The following ZNF362 variants were observed in gnomAD, a reference collection of about 807,000 sequenced individuals.
ZNF362 encodes the protein zinc finger protein 362.
In ZNF362, 11 loss-of-function variants were observed where a neutral mutation model predicts 42.9. The ratio of observed to expected loss-of-function variants is 0.26; its 90% confidence interval spans 0.16 to 0.42. The LOEUF (loss-of-function observed/expected upper bound fraction) is 0.42, where lower values mean the gene tolerates loss of function less well. Among genes scored for constraint, ZNF362 ranks in the 20% least tolerant of loss-of-function variants. The pLI, the probability that ZNF362 is intolerant of heterozygous loss-of-function variation, is 1.00. For synonymous variants in ZNF362, 255 were observed against 257.3 expected, an observed-to-expected ratio of 0.99 and a Z score of 0.09; for missense variants, 362 against 576.2, an observed-to-expected ratio of 0.63 and a Z score of 3.81.
chr1:33,231,780 G>A, the ZNF362 span, among the ~76,000 whole-genome samples: 1 of 152,164 alleles, frequency 6.6e-6, no homozygotes, highest in Non-Finnish European at 1.5e-5. Context: ...TGGAGGCACT[G>A]AGCTGGACCA....
chr1:33,297,965 G>C (rs1223136191), intron 8 of ZNF362, among the ~76,000 whole-genome samples: 1 of 152,172 alleles, frequency 6.6e-6, no homozygotes, highest in Non-Finnish European at 1.5e-5. Flanking sequence ...TTTGCAGGTT[G>C]CTTCCCTCTG....
At chr1:33,229,210 G>A in the ZNF362 span, among the ~76,000 whole-genome samples, 2 of 151,936 alleles carry the variant, frequency 1.3e-5, no homozygotes, top group African/African-American at 4.8e-5. Flanking sequence ...GACCCCACAC[G>A]CACTGACATC....
At chr1:33,277,326 A>G (rs1400826960) in intron 4 of ZNF362, among the ~76,000 whole-genome samples, 5 of 152,246 alleles carry the variant, frequency 3.3e-5, no homozygotes, top group Admixed American at 3.3e-4. Flanking sequence ...ACAGCTAGTA[A>G]GAGGCAGAGG....
In ZNF362 at chr1:33,266,305, C is replaced by T. The variant is rs928221287; in HGVS notation, c.-88-4182C>T. ...GGAAAGACCCCTCCTCATCAATTCC[C>T]TCAGTGAACATCTGTTGAGTACCCA... On this transcript the variant is annotated intron_variant, in intron 1 of 8. Coordinates refer to ENST00000539719, the MANE Select transcript of ZNF362 (RefSeq NM_152493.3). The surrounding 1 kb of genome is among the most constrained non-coding windows in gnomAD (Gnocchi z 4.3). 6.6e-6 allele frequency among the ~76,000 whole-genome samples: 1 copy of T among 152,240 alleles called. No homozygotes were observed. The highest frequency in any genetic ancestry group is 1.5e-5 in the Non-Finnish European group (1 of 68,050).
chr1:33,133,508 G>A, the ZNF362 span, among the ~76,000 whole-genome samples: 4 of 152,324 alleles, frequency 2.6e-5, no homozygotes, highest in South Asian at 2.1e-4. Context: ...TGGGACCACC[G>A]GCGGCACGTT....
chr1:33,134,654 A>C, the ZNF362 span, among the ~76,000 whole-genome samples: 10 of 152,200 alleles, frequency 6.6e-5, no homozygotes, highest in African/African-American at 2.4e-4. Flanking sequence ...ATGTTTACGC[A>C]GGGAAGCTGT....
the ZNF362 span, among the ~76,000 whole-genome samples, chr1:33,250,823 A>C: frequency 6.6e-6 from 1 of 150,666 alleles, no homozygotes; most frequent in African/African-American, 2.4e-5. Flanking sequence ...GAAGAAGAGA[A>C]GAAGAAAAGA....
rs1645993690 is a variant in ZNF362, at chr1:33,281,463, T to G, written c.684-124T>G. On this transcript the variant is annotated intron_variant, in intron 5 of 8. Transcript: ENST00000539719. This position sits in a 1 kb window ranked among gnomAD's most constrained non-coding sequence, Gnocchi z 4.8. Reference sequence around the variant, plus strand: ...CCCCTGTCTTTCCCAGGTGGTCCTGTGCTTCTTGGGCTCATCACAGGAAAG... The same window carrying G: ...CCCCTGTCTTTCCCAGGTGGTCCTGGGCTTCTTGGGCTCATCACAGGAAAG... 1.1e-6 allele frequency: 1 copy of G among 884,684 alleles called. No individual in the cohort carries two copies. The highest frequency in any genetic ancestry group is 1.7e-5 in the African/African-American group (1 of 60,048). 54.8% of individuals were successfully genotyped at this position (884,684 alleles called of 1,614,324 possible).
At chr1:33,296,952 G>A (rs1646129201) in intron 8 of ZNF362, among the ~76,000 whole-genome samples, 1 of 151,980 alleles carries the variant, frequency 6.6e-6, no homozygotes, top group South Asian at 2.1e-4. Flanking sequence ...CTACAGGTGT[G>A]CACCACTGTG....
chr1:33,273,048 C>T (rs1645917288), intron 2 of ZNF362, among the ~76,000 whole-genome samples: 1 of 152,248 alleles, frequency 6.6e-6, no homozygotes, highest in Non-Finnish European at 1.5e-5. Context: ...TACCCCTTCA[C>T]CTCTCACCAG....
chr1:33,197,845 A>G, the ZNF362 span, among the ~76,000 whole-genome samples: 1 of 152,338 alleles, frequency 6.6e-6, no homozygotes, highest in Non-Finnish European at 1.5e-5. Context: ...CTTTACAAAA[A>G]GAGTAGAGAA....
chr1:33,223,019 G>C, the ZNF362 span, among the ~76,000 whole-genome samples: 26,126 of 152,100 alleles, frequency 0.17, 2,569 homozygotes, highest in East Asian at 0.31. Context: ...TTGGGAGGCT[G>C]AGGTGGGTGG....
Position 33,280,087 on chromosome 1 carries a change from T to TCCGCTCACCCCTGCCCCC in ZNF362, c.350-36_350-19dup. ...GGGCAGCTGAGCTGGCCTCTGCAGCTCCGCTCACCCCTGCCCCCACCCACC... is the reference window on the plus strand; with the variant it reads ...GGGCAGCTGAGCTGGCCTCTGCAGCTCCGCTCACCCCTGCCCCCCCGCTCACCCCTGCCCCCACCCACC... On this transcript the variant is annotated intron_variant, in intron 4 of 8. Coordinates refer to ENST00000539719, the MANE Select transcript of ZNF362 (RefSeq NM_152493.3). This position sits in a 1 kb window ranked among gnomAD's most constrained non-coding sequence, Gnocchi z 5.6. 6.6e-7 allele frequency: 1 copy of TCCGCTCACCCCTGCCCCC among 1,523,842 alleles called. No individual in the cohort carries two copies. The highest frequency in any genetic ancestry group is 8.8e-7 in the Non-Finnish European group (1 of 1,133,114). The allele number at this position is 1,523,842 out of a possible 1,614,324, so 94.4% of individuals were successfully genotyped here.
the ZNF362 span, among the ~76,000 whole-genome samples, chr1:33,135,582 T>C: frequency 0.03 from 4,533 of 152,312 alleles, 196 homozygotes; most frequent in African/African-American, 0.1. Flanking sequence ...TGGTCTCACA[T>C]TGGATCCTCA....
chr1:33,128,591 T>A, the ZNF362 span, among the ~76,000 whole-genome samples: 1,457 of 152,314 alleles, frequency 9.6e-3, 22 homozygotes, highest in African/African-American at 0.033. Context: ...CCCACCCTCT[T>A]CCTGTGTCTA....
the ZNF362 span, chr1:33,147,170 G>T: frequency 6.2e-7 from 1 of 1,612,138 alleles, no homozygotes; most frequent in South Asian, 1.1e-5. The surrounding 1 kb of genome is among the most constrained non-coding windows in gnomAD (Gnocchi z 8.1). Flanking sequence ...GTCTCCTTCT[G>T]CCTGGACTAG....
chr1:33,242,257 G>A, the ZNF362 span, among the ~76,000 whole-genome samples: 2 of 152,076 alleles, frequency 1.3e-5, no homozygotes, highest in African/African-American at 4.8e-5. Context: ...AAAGATGGCC[G>A]AGGAAGAGGA....
chr1:33,203,780 T>A, the ZNF362 span, among the ~76,000 whole-genome samples: 1 of 152,216 alleles, frequency 6.6e-6, no homozygotes, highest in South Asian at 2.1e-4. Context: ...TTTGAAGAAA[T>A]GTCTTTTCAG....
the ZNF362 span, among the ~76,000 whole-genome samples, chr1:33,210,770 C>T: frequency 1.1e-4 from 16 of 151,952 alleles, no homozygotes; most frequent in African/African-American, 3.9e-4. Flanking sequence ...TTTCTTTCCA[C>T]TTGCTTGGTA....
Sources: allele counts gnomAD v4.1 joint callset (sites outside exome capture counted in the v4.1 genomes callset), GRCh38; gene constraint gnomAD v4.1.1; non-coding constraint Gnocchi (gnomAD v3.1); transcripts MANE v1.5; gene names NCBI Gene and HGNC (gene_info 2026-07-23, HGNC 2026-07-21).